TNKS2: variants seen among roughly 807,000 people sequenced by gnomAD.
The protein encoded by TNKS2 is tankyrase 2.
Under a neutral mutation model 137.6 loss-of-function variants are expected in TNKS2, and 72 were observed. The ratio of observed to expected loss-of-function variants is 0.52; its 90% CI spans 0.43 to 0.64. The LOEUF is 0.64. Ranked by LOEUF, TNKS2 falls within the 30% of genes least tolerant of loss-of-function variation. The pLI is 0.00. For missense variants in TNKS2, 1,049 were observed against 1,410.2 expected, an observed-to-expected ratio of 0.74 and a Z score of 4.10; for synonymous variants, 516 against 512.1, an observed-to-expected ratio of 1.01 and a Z score of -0.10.
rs140299054 is a variant in TNKS2 at position 91,813,194 on chromosome 10, T to C, written c.411T>C (p.Ile137=). The C allele has an allele frequency of 1.1e-5, 18 of 1,613,964 alleles. No individual in the cohort carries two copies. The African/African-American group carries it at 1.5e-4, about 13-fold the overall frequency. ...PLHEAAIKGK[I]DVCIVLLQHG... is the part of the protein sequence containing the mutation. ...ATGAAGCTGCAATTAAAGGAAAGAT[T>C]GATGTTTGCATTGGTAAGACTGTTT... is the stretch of plus-strand genomic sequence containing the variant. Residue 137 remains isoleucine (I), a synonymous_variant, in exon 2 of 27, where the codon ATT becomes ATC. Transcript: ENST00000371627.
chr10:91,818,241 TC>T (rs141818112), intron 3 of TNKS2, among the ~76,000 whole-genome samples: 10,029 of 152,260 alleles, frequency 0.066, 1,085 homozygotes, highest in African/African-American at 0.23. Context: ...ATTCAGCAAA[TC>T]ATATTAATTT....
chr10:91,814,135 T>C (rs1844596680), intron 2 of TNKS2, among the ~76,000 whole-genome samples: 1 of 152,170 alleles, frequency 6.6e-6, no homozygotes, highest in Non-Finnish European at 1.5e-5. Context: ...CTGTATGTTA[T>C]TGCCCCTAAA....
chr10:91,836,000 C>CGTGTGTGT (rs58777939), intron 12 of TNKS2, among the ~76,000 whole-genome samples: 55 of 113,060 alleles, frequency 4.9e-4, no homozygotes, highest in Non-Finnish European at 6.9e-4. Context: ...ATAAGAATAC[C>CGTGTGTGT]GTGTGTGTGT....
At chr10:91,833,797 G>T in intron 11 of TNKS2, 56 bp from the exon 12 acceptor site, 5 of 1,388,660 alleles carry the variant, frequency 3.6e-6, no homozygotes, top group Admixed American at 2.3e-5. Flanking sequence ...ATACATGATT[G>T]TATGGTTTTA....
chr10:91,822,289 A>T lies in TNKS2; in HGVS notation c.729-7A>T. On this transcript the variant is annotated splice_region_variant and splice_polypyrimidine_tract_variant and intron_variant, in intron 6 of 26. Coordinates refer to ENST00000371627, the MANE Select transcript of TNKS2 (RefSeq NM_025235.4). ...GAAACAGGATTTTCCCCCCCTTCTC[A>T]TTGTAGTGATCTGGTACCATTACAC... 1 of 1,605,304 alleles carries T rather than the reference A, an allele frequency of 6.2e-7. No individual in the cohort carries two copies. Among genetic ancestry groups the T allele is most frequent in the Non-Finnish European group, 8.5e-7 (1 of 1,175,494 alleles).
chr10:91,832,053 G>A (rs1009889690), intron 11 of TNKS2, among the ~76,000 whole-genome samples: 1 of 152,092 alleles, frequency 6.6e-6, no homozygotes, highest in East Asian at 1.9e-4. Flanking sequence ...TTCATTCAAG[G>A]AACGATTTAG....
intron 9 of TNKS2, 129 bp downstream of exon 9, chr10:91,828,535 A>G (rs561659772): frequency 9.7e-7 from 1 of 1,032,966 alleles, no homozygotes; most frequent in Non-Finnish European, 1.3e-6. Context: ...CTATGCAAAT[A>G]TTTTTTAAAA....
intron 1 of TNKS2, among the ~76,000 whole-genome samples, chr10:91,804,610 A>G (rs1245750840): frequency 6.6e-6 from 1 of 152,242 alleles, no homozygotes; most frequent in African/African-American, 2.4e-5. Flanking sequence ...CTACCTGGCC[A>G]GTGAGAACAT....
In TNKS2 at chr10:91,855,127, G is replaced by A; in HGVS notation, c.2913+1G>A. 6.3e-7 allele frequency: 1 copy of A among 1,580,474 alleles called. No individual in the cohort carries two copies. Among genetic ancestry groups the A allele is most frequent in the Non-Finnish European group, 8.7e-7 (1 of 1,150,118 alleles). Reference sequence around the variant, plus strand: ...AGAGTTTCAGTCTGTGGAGGAAGAGGTATGTTCATATAACTTCAATAGTAG... The same window carrying A: ...AGAGTTTCAGTCTGTGGAGGAAGAGATATGTTCATATAACTTCAATAGTAG... On this transcript the variant is annotated splice_donor_variant, in intron 22 of 26. Transcript: ENST00000371627. LOFTEE classifies it high-confidence loss of function.
Position 91,857,541 on chromosome 10 carries a change from T to TC in TNKS2, c.3094+15dup. 1 of 1,583,006 alleles carries TC rather than the reference T, an allele frequency of 6.3e-7. No homozygotes were observed. Among genetic ancestry groups the TC allele is most frequent in the South Asian group, 1.1e-5 (1 of 89,472 alleles). The stretch of plus-strand genomic sequence containing the variant: ...GAATGCTATTTCATGGTAAGATTCC[T>TC]CCCCACCAACTCTACCACTGTCTTC... On this transcript the variant is annotated intron_variant, in intron 24 of 26. Coordinates refer to ENST00000371627, the MANE Select transcript of TNKS2 (RefSeq NM_025235.4).
rs758548388 is a variant in TNKS2, at chr10:91,820,004, T to C, written c.699T>C (p.His233=). ...AGATTGTACAGCTGTTACTGCAACA[T>C]GGAGCTGATGTCCATGCTAAAGATA... ...RVKIVQLLLQ[H]GADVHAKDKG... is the part of the protein sequence containing the mutation. The change falls in exon 6 of 27, where the codon CAT becomes CAC. Residue 233 remains histidine (H), a synonymous_variant. Transcript: ENST00000371627. 1 of 1,592,936 alleles carries C rather than the reference T, an allele frequency of 6.3e-7. No homozygotes were observed.
chr10:91,852,485 G>A (rs1490657658), intron 21 of TNKS2, among the ~76,000 whole-genome samples: 1 of 152,216 alleles, frequency 6.6e-6, no homozygotes, highest in East Asian at 1.9e-4. Context: ...GCGTGAACCC[G>A]GGAGGCGGAA....
chr10:91,821,703 A>T (rs1564611441), intron 6 of TNKS2, among the ~76,000 whole-genome samples: 1 of 152,236 alleles, frequency 6.6e-6, no homozygotes, highest in Non-Finnish European at 1.5e-5. Flanking sequence ...AAAGTTTTAA[A>T]AATGAGCCAG....
chr10:91,853,220 T>C (rs1271657411), intron 21 of TNKS2, among the ~76,000 whole-genome samples: 1 of 152,180 alleles, frequency 6.6e-6, no homozygotes, highest in Non-Finnish European at 1.5e-5. Flanking sequence ...GCTGAAAGGC[T>C]CAATGACAGA....
chr10:91,825,190 C>T (rs908969433), intron 7 of TNKS2, among the ~76,000 whole-genome samples: 1 of 152,096 alleles, frequency 6.6e-6, no homozygotes, highest in Admixed American at 6.5e-5. Flanking sequence ...CAGCCGCAAC[C>T]TTCCCGGGCT....
Position 91,848,452 on chromosome 10 carries a change from C to G in TNKS2, c.2428C>G (p.Gln810Glu), listed in dbSNP as rs767450342. 6.8e-6 allele frequency: 11 copies of G among 1,614,120 alleles called. No homozygotes were observed. In the East Asian group the frequency reaches 2.4e-4, roughly 36 times the overall value. ...PSALPSCYKP[Q>E]VLNGVRSPGA... ...TGCTCTGCCCTCTTGTTACAAGCCT[C>G]AAGTGCTCAATGGTGTGAGAAGCCC... The change falls in exon 19 of 27, where the codon CAA (glutamine) becomes GAA (glutamate). Residue 810 changes from glutamine (Q) to glutamate (E), a missense_variant. Physicochemically the swap from Gln to Glu is conservative, Grantham distance 29. Coordinates refer to ENST00000371627, the MANE Select transcript of TNKS2 (RefSeq NM_025235.4).
rs12241914 is a variant in TNKS2, at chr10:91,815,581, G to C, written c.425-1553G>C. Among the ~76,000 whole-genome samples, 690 of 151,888 alleles carry C rather than the reference G, an allele frequency of 4.5e-3. 6 individuals carry two copies. Among genetic ancestry groups the C allele is most frequent in the African/African-American group, 0.016 (680 of 41,400 alleles). On this transcript the variant is annotated intron_variant, in intron 2 of 26. Transcript: ENST00000371627. ...GGGAAAAAGCATGCCACATTTCAGA[G>C]ACTTAGTACAAAAAAAAATGTAAAA...
intron 1 of TNKS2, among the ~76,000 whole-genome samples, chr10:91,802,600 T>C (rs1291759216): frequency 1.3e-5 from 2 of 152,240 alleles, no homozygotes; most frequent in East Asian, 1.9e-4. Flanking sequence ...ATTCCTCCAA[T>C]TGAAGGCTTT....
chr10:91,800,372 G>C (rs1042595553), intron 1 of TNKS2, among the ~76,000 whole-genome samples: 4 of 152,178 alleles, frequency 2.6e-5, no homozygotes, highest in Non-Finnish European at 4.4e-5. Flanking sequence ...CTTAGATTCT[G>C]TTCACTTGAT....
Sources: gnomAD v4.1 joint callset for allele counts (sites outside exome capture counted in the v4.1 genomes callset) on GRCh38, gnomAD v4.1.1 for gene constraint, MANE v1.5 for transcripts, NCBI Gene and HGNC (gene_info 2026-07-23, HGNC 2026-07-21) for gene names.